DDX55: variants seen among roughly 807,000 people sequenced by gnomAD.
DDX55 encodes the protein DEAD-box helicase 55.
DDX55 carries 56 observed loss-of-function variants against 69.2 expected under a neutral mutation model. The observed-to-expected ratio is 0.81, with a 90% CI of 0.65 to 1.01. The LOEUF (loss-of-function observed/expected upper bound fraction) is 1.01. Among genes scored for constraint, DDX55 ranks in the 50% least tolerant of loss-of-function variants. DDX55 has a pLI of 0.00. For synonymous variants in DDX55, 268 were observed against 273.1 expected, an observed-to-expected ratio of 0.98 and a Z score of 0.18; for missense variants, 720 against 745.1, an observed-to-expected ratio of 0.97 and a Z score of 0.39.
rs752057408 is a variant in DDX55 at position 123,615,257 on chromosome 12, T to G, written c.897T>G (p.Ile299Met). 1.3e-5 allele frequency: 21 copies of G among 1,614,052 alleles called. No homozygotes were observed. In the South Asian group the frequency reaches 2.3e-4, roughly 18 times the overall value. Residue 299 changes from isoleucine to methionine, a missense_variant, in exon 9 of 14, where the codon ATT (isoleucine) becomes ATG (methionine). Physicochemically the swap from Ile to Met is conservative, Grantham distance 10. Transcript: ENST00000238146. ...VLVKGVKIMC[I>M]HGKMKYKRNK... ...TGAAGGGCGTGAAGATTATGTGCAT[T>G]CACGGAAAGATGAAATATAAACGCA...
intron 12 of DDX55, among the ~76,000 whole-genome samples, 171 bp from the exon 13 acceptor site, chr12:123,619,261 G>C (rs35867744): frequency 2.0e-5 from 3 of 152,024 alleles, no homozygotes; most frequent in Admixed American, 2.0e-4. Context: ...CCTCGGCCTC[G>C]CAAAGTGCTG....
In DDX55 at chr12:123,616,606, A is replaced by G. The variant is rs1199699460; in HGVS notation, c.1049+3A>G. The G allele has an allele frequency of 1.2e-6, 2 of 1,613,888 alleles. No individual in the cohort carries two copies. Among genetic ancestry groups the G allele is most frequent in the Non-Finnish European group, 8.5e-7 (1 of 1,179,798 alleles). ...TATGACCCTCCCAGCAATGCAAGGT[A>G]TGGTACGAGGCTGCCACCCACTCTC... On this transcript the variant is annotated splice_donor_region_variant and intron_variant, in intron 10 of 13. Coordinates refer to ENST00000238146, the MANE Select transcript of DDX55 (RefSeq NM_020936.3).
intron 5 of DDX55, 140 bp from the exon 6 acceptor site, chr12:123,608,540 C>A: frequency 1.0e-6 from 1 of 995,086 alleles, no homozygotes; most frequent in Non-Finnish European, 1.5e-6. Flanking sequence ...CCCTGCAGCA[C>A]TCTTCTACTC....
chr12:123,607,309 A>G, intron 3 of DDX55, 123 bp from the exon 4 acceptor site: 1 of 999,576 alleles, frequency 1.0e-6, no homozygotes, highest in Non-Finnish European at 1.5e-6. Context: ...TGCTGCTGAG[A>G]AAGTCTGGGA....
At chr12:123,606,271 G>C in intron 3 of DDX55, 112 bp downstream of exon 3, 1 of 1,286,184 alleles carries the variant, frequency 7.8e-7, no homozygotes, top group Non-Finnish European at 1.1e-6. Flanking sequence ...GCTCACGCCT[G>C]TAATCCCAGC....
chr12:123,602,121 G>C lies in DDX55; in HGVS notation c.-28G>C, dbSNP rs201503165. 1.3e-6 allele frequency: 2 copies of C among 1,534,812 alleles called. No homozygotes were observed. Among genetic ancestry groups the C allele is most frequent in the Non-Finnish European group, 1.8e-6 (2 of 1,139,994 alleles). ...GGTGCACAAGGCGCGTTCGAGCAGC[G>C]GCGACCGACGCGGCGAAGGAGCGCG... On this transcript the variant is annotated 5_prime_UTR_variant, in exon 1 of 14. Transcript: ENST00000238146.
rs1264273588 is a variant in DDX55, at chr12:123,618,845, G to A, written c.1333+8G>A. 6.2e-7 allele frequency: 1 copy of A among 1,613,050 alleles called. No individual in the cohort carries two copies. The highest frequency in any genetic ancestry group is 8.5e-7 in the Non-Finnish European group (1 of 1,179,288). ...TGATTTTCAGATTAAAGGGTAAGTT[G>A]GACTTCTTCATGTGATAATGTCTCC... On this transcript the variant is annotated splice_region_variant and intron_variant, in intron 12 of 13. Coordinates refer to ENST00000238146, the MANE Select transcript of DDX55 (RefSeq NM_020936.3).
chr12:123,612,511 A>C (rs546815152), intron 7 of DDX55, among the ~76,000 whole-genome samples: 1 of 152,300 alleles, frequency 6.6e-6, no homozygotes, highest in East Asian at 1.9e-4. Flanking sequence ...GAGGCCTTTT[A>C]AATAATGATG....
intron 12 of DDX55, 129 bp downstream of exon 12, chr12:123,618,966 A>G: frequency 7.4e-7 from 1 of 1,345,092 alleles, no homozygotes; most frequent in African/African-American, 1.5e-5. Context: ...TAAACTGGCC[A>G]CTGGCTGCTG....
rs1266836309 is a variant in DDX55, at chr12:123,620,841, A to G, written c.*701A>G. 6.6e-6 allele frequency: 1 copy of G among 151,492 alleles called. No homozygotes were observed. Among genetic ancestry groups the G allele is most frequent in the Non-Finnish European group, 1.5e-5 (1 of 67,924 alleles). The allele number at this position is 151,492 out of a possible 1,614,324, so 9.4% of individuals were successfully genotyped here. On this transcript the variant is annotated 3_prime_UTR_variant, in exon 14 of 14. Transcript: ENST00000238146. ...GTGTTAATAGTCACAGTATTGTTTT[A>G]TTGGTGAATAGCTGAAAAACAGAGG...
At chr12:123,618,341 A>C (rs777131503) in intron 11 of DDX55, 1 of 608,364 alleles carries the variant, frequency 1.6e-6, no homozygotes, top group Non-Finnish European at 3.0e-6. Flanking sequence ...CTGTGGAGGC[A>C]CCTCGGTCAT....
chr12:123,611,783 C>T (rs1267005345), intron 7 of DDX55, among the ~76,000 whole-genome samples: 1 of 152,134 alleles, frequency 6.6e-6, no homozygotes, highest in African/African-American at 2.4e-5. Flanking sequence ...ACAAGCTGGA[C>T]TGGGTGAGGG....
Position 123,608,822 on chromosome 12 carries a change from G to A in DDX55, c.544G>A (p.Glu182Lys), listed in dbSNP as rs760034545. The A allele has an allele frequency of 6.2e-7, 1 of 1,613,774 alleles. No homozygotes were observed. Among genetic ancestry groups the A allele is most frequent in the Non-Finnish European group, 8.5e-7 (1 of 1,179,788 alleles). The change falls in exon 6 of 14, where the codon GAG becomes AAG. Residue 182 changes from glutamate to lysine, a missense_variant. Transcript: ENST00000238146. ...EADRLLDMGF[E>K]ASINTILEFL... The stretch of plus-strand genomic sequence containing the variant: ...AGACAGACTTCTGGACATGGGGTTT[G>A]AGGCAAGGTACTGGACTTTGGACTT...
intron 7 of DDX55, among the ~76,000 whole-genome samples, chr12:123,610,698 G>A (rs1223432145): frequency 7.5e-6 from 1 of 132,980 alleles, no homozygotes; most frequent in Non-Finnish European, 1.5e-5. Flanking sequence ...TGCAAGCTCC[G>A]CCTCCTGGGT....
At position 123,617,756 on chromosome 12, in the gene DDX55, A is replaced by G; in HGVS notation, c.1050-2A>G. On this transcript the variant is annotated splice_acceptor_variant, in intron 10 of 13. Transcript: ENST00000238146. LOFTEE classifies it high-confidence loss of function. Reference sequence around the variant, plus strand: ...ACCCATTTCCACCCTGTGTTCTCACAGTGCCTTCGTGCATCGCTGCGGTCG... The same window carrying G: ...ACCCATTTCCACCCTGTGTTCTCACGGTGCCTTCGTGCATCGCTGCGGTCG... The G allele has an allele frequency of 1.9e-6, 3 of 1,609,440 alleles. No individual in the cohort carries two copies. The highest frequency in any genetic ancestry group is 1.7e-6 in the Non-Finnish European group (2 of 1,177,978).
In DDX55 at chr12:123,619,670, G is replaced by C. The variant is rs1411774930; in HGVS notation, c.1572G>C (p.Gln524His). Residue 524 changes from glutamine (Q) to histidine (H), a missense_variant, in exon 13 of 14, where the codon CAG becomes CAC. Gln to His is a conservative substitution (Grantham distance 24). Coordinates refer to ENST00000238146, the MANE Select transcript of DDX55 (RefSeq NM_020936.3). ...KFIKNKAWSK[Q>H]KAKKEKKKKM... ...TAAAAAATAAAGCTTGGTCAAAGCA[G>C]AAGGCCAAAAAAGAAAAGAAGAAAA... 1 of 1,588,488 alleles carries C rather than the reference G, an allele frequency of 6.3e-7. No homozygotes were observed. Among genetic ancestry groups the C allele is most frequent in the East Asian group, 2.2e-5 (1 of 44,822 alleles).
At chr12:123,617,931 T>C in intron 11 of DDX55, 59 bp downstream of exon 11, 1 of 1,509,152 alleles carries the variant, frequency 6.6e-7, no homozygotes, top group Non-Finnish European at 9.2e-7. Context: ...GGAAAAGTTC[T>C]CCAGCATGTG....
rs1955058705 is a variant in DDX55, at chr12:123,620,583, TATATATATATATATATATATATATA to T, written c.*444_*468del. 1.6e-4 allele frequency: 4 copies of T among 25,456 alleles called. No individual in the cohort carries two copies. Among genetic ancestry groups the T allele is most frequent in the African/African-American group, 5.3e-4 (4 of 7,558 alleles). 1.6% of individuals were successfully genotyped at this position (25,456 alleles called of 1,614,324 possible). ...CACATATAGACATATGTACATATTA[TATATATATATATATATATATATATA>T]TATATATATATATATATATAAGCTC... On this transcript the variant is annotated 3_prime_UTR_variant, in exon 14 of 14. Coordinates refer to ENST00000238146, the MANE Select transcript of DDX55 (RefSeq NM_020936.3).
chr12:123,620,231 A>G lies in DDX55; in HGVS notation c.*91A>G. The G allele has an allele frequency of 7.8e-7, 1 of 1,284,890 alleles. No homozygotes were observed. Among genetic ancestry groups the G allele is most frequent in the Non-Finnish European group, 1.1e-6 (1 of 928,560 alleles). 79.6% of individuals were successfully genotyped at this position (1,284,890 alleles called of 1,614,324 possible). A position where few individuals can be genotyped will look rare whatever the true frequency, so the allele number is the denominator to read the frequency against. On this transcript the variant is annotated 3_prime_UTR_variant, in exon 14 of 14. Coordinates refer to ENST00000238146, the MANE Select transcript of DDX55 (RefSeq NM_020936.3). ...TGCTTTTAACGAAAATCACAACTTC[A>G]GGAGACATCTGAAAAGAATGATGTC...
Sources: allele counts gnomAD v4.1 joint callset (sites outside exome capture counted in the v4.1 genomes callset), GRCh38; gene constraint gnomAD v4.1.1; transcripts MANE v1.5; gene names NCBI Gene and HGNC (gene_info 2026-07-23, HGNC 2026-07-21).